The following KANK1 variants were observed in gnomAD, a reference collection of about 807,000 sequenced individuals.
KANK1 encodes KN motif and ankyrin repeat domains 1.
Under a neutral mutation model 106.2 loss-of-function variants are expected in KANK1, and 109 were observed. That is an observed-to-expected ratio of 1.03 (90% CI 0.88 to 1.20). The LOEUF (loss-of-function observed/expected upper bound fraction) is 1.20. Among genes scored for constraint, KANK1 ranks in the 50% most tolerant of loss-of-function variants. KANK1 has a pLI of 0.00. For missense variants in KANK1, 2,399 were observed against 1,710.7 expected, an observed-to-expected ratio of 1.40 and a Z score of -7.10; for synonymous variants, 873 against 652.2, an observed-to-expected ratio of 1.34 and a Z score of -5.16.
intron 1 of KANK1, among the ~76,000 whole-genome samples, chr9:506,446 A>C (rs1273631003): frequency 6.6e-6 from 1 of 152,184 alleles, no homozygotes; most frequent in Non-Finnish European, 1.5e-5. Flanking sequence ...CTTAGGGCAC[A>C]GGGATGCTTT....
intron 1 of KANK1, among the ~76,000 whole-genome samples, chr9:529,495 G>A (rs956144878): frequency 1.2e-4 from 7 of 57,526 alleles, no homozygotes; most frequent in Admixed American, 1.2e-3. Context: ...CACCGCGCCC[G>A]GCCTCATACA....
chr9:688,625 A>G (rs538059694), intron 2 of KANK1, among the ~76,000 whole-genome samples: 49 of 151,714 alleles, frequency 3.2e-4, no homozygotes, highest in African/African-American at 1.2e-3. Flanking sequence ...AGTGAGAAAG[A>G]AAGATGGTAT....
chr9:562,986 A>C (rs1027930800), intron 1 of KANK1, among the ~76,000 whole-genome samples: 8 of 152,184 alleles, frequency 5.3e-5, no homozygotes, highest in Non-Finnish European at 8.8e-5. Flanking sequence ...ATTCATTCTT[A>C]CAAGCAGGGA....
At chr9:671,623 A>AAAAAAAAAAAAAAAAAAAAAAAAAAAG (rs79437342) in intron 1 of KANK1, among the ~76,000 whole-genome samples, 1 of 103,626 alleles carries the variant, frequency 9.7e-6, no homozygotes, top group African/African-American at 4.4e-5. Flanking sequence ...CTCAAAAAAA[A>AAAAAAAAAAAAAAAAAAAAAAAAAAAG]AAAAGAGTGT....
At chr9:505,857 T>A (rs1157392184) in intron 1 of KANK1, among the ~76,000 whole-genome samples, 1 of 152,216 alleles carries the variant, frequency 6.6e-6, no homozygotes, top group Non-Finnish European at 1.5e-5. Context: ...CCTCTGGAGC[T>A]GAATGGAAAT....
chr9:641,609 T>C (rs16921577), intron 1 of KANK1, among the ~76,000 whole-genome samples: 1,924 of 152,330 alleles, frequency 0.013, 39 homozygotes, highest in African/African-American at 0.043. Flanking sequence ...AAATCCTAAC[T>C]GCAAGGAAGC....
chr9:734,857 C>G (rs1316349830), intron 7 of KANK1, 22 bp downstream of exon 7: 13 of 1,557,118 alleles, frequency 8.3e-6, no homozygotes, highest in Non-Finnish European at 1.2e-5. Flanking sequence ...CTGCAAACAC[C>G]ATCCCCAGTG....
chr9:605,942 C>A (rs1829002614), intron 1 of KANK1, among the ~76,000 whole-genome samples: 1 of 151,576 alleles, frequency 6.6e-6, no homozygotes, highest in Non-Finnish European at 1.5e-5. Flanking sequence ...TGTCAGGGGG[C>A]CCTGTGTTCT....
chr9:652,200 T>C (rs1841035068), intron 1 of KANK1, among the ~76,000 whole-genome samples: 1 of 152,164 alleles, frequency 6.6e-6, no homozygotes, highest in Admixed American at 6.5e-5. Flanking sequence ...TACAGAAAGC[T>C]ATATGTAGAA....
intron 1 of KANK1, among the ~76,000 whole-genome samples, chr9:670,040 G>A (rs1845530572): frequency 2.0e-5 from 3 of 152,118 alleles, no homozygotes; most frequent in South Asian, 4.2e-4. Flanking sequence ...TTTTCAGTTA[G>A]CAAATATATT....
At chr9:724,525 C>A (rs554853244) in intron 3 of KANK1, among the ~76,000 whole-genome samples, 1 of 151,948 alleles carries the variant, frequency 6.6e-6, no homozygotes, top group African/African-American at 2.4e-5. Context: ...CGGCCAGGCA[C>A]GGTGGCTCAC....
At chr9:686,434 G>A (rs373281404) in intron 2 of KANK1, among the ~76,000 whole-genome samples, 1 of 152,148 alleles carries the variant, frequency 6.6e-6, no homozygotes, top group South Asian at 2.1e-4. Context: ...TACCCCAACC[G>A]GTGCCCCACC....
chr9:519,656 T>G (rs2059457088), intron 1 of KANK1, among the ~76,000 whole-genome samples: 1 of 151,790 alleles, frequency 6.6e-6, no homozygotes, highest in Non-Finnish European at 1.5e-5. Context: ...TTCCTTATTT[T>G]GCCAGGAGAC....
intron 1 of KANK1, among the ~76,000 whole-genome samples, chr9:593,053 C>G (rs887792790): frequency 1.3e-5 from 2 of 151,820 alleles, no homozygotes; most frequent in Non-Finnish European, 2.9e-5. Flanking sequence ...TGTTCAATAT[C>G]TAATGCTAGT....
chr9:709,113 G>T lies in KANK1; in HGVS notation c.38-1691G>T, dbSNP rs568907066. 5.4e-4 allele frequency among the ~76,000 whole-genome samples: 82 copies of T among 152,298 alleles called. 1 individual carries two copies. Among genetic ancestry groups the T allele is most frequent in the African/African-American group, 1.9e-3 (78 of 41,570 alleles). ...TTGAACTCATGACAATACAAAACAA[G>T]GTGTTCCTGGGATAGGGAATGTTTT... is the stretch of plus-strand genomic sequence containing the variant. On this transcript the variant is annotated intron_variant, in intron 2 of 11. Transcript: ENST00000382297.
rs552176352 is a variant in KANK1 at position 648,407 on chromosome 9, T to A, written c.-83-28483T>A. ...ATTTAAAAACTATGCCGTATATGTA[T>A]AAGATTTGCCACCTCTGGGTCATTA... On this transcript the variant is annotated intron_variant, in intron 1 of 11. Coordinates refer to ENST00000382297, the MANE Select transcript of KANK1 (RefSeq NM_015158.5). Among the ~76,000 whole-genome samples, 43 of 152,320 alleles carry A rather than the reference T, an allele frequency of 2.8e-4. No homozygotes were observed. In the South Asian group the frequency reaches 3.7e-3, roughly 13 times the overall value.
chr9:632,604 G>A (rs1442225286), intron 1 of KANK1, among the ~76,000 whole-genome samples: 2 of 152,110 alleles, frequency 1.3e-5, no homozygotes, highest in African/African-American at 4.8e-5. Flanking sequence ...TTTTCATTCC[G>A]TGGAGTCACA....
chr9:556,629 C>G (rs1565793), intron 1 of KANK1, among the ~76,000 whole-genome samples: 11,644 of 152,194 alleles, frequency 0.077, 1,222 homozygotes, highest in East Asian at 0.22. Flanking sequence ...GTCCTTGTTC[C>G]ATTAAGATAA....
chr9:491,662 C>T (rs570747450), intron 3 of KANK1, among the ~76,000 whole-genome samples: 11 of 152,048 alleles, frequency 7.2e-5, no homozygotes, highest in African/African-American at 2.4e-4. Context: ...TGATTTGGGG[C>T]GAGAAAAGGG....
Sources: allele counts gnomAD v4.1 joint callset (sites outside exome capture counted in the v4.1 genomes callset), GRCh38; gene constraint gnomAD v4.1.1; transcripts MANE v1.5; gene names NCBI Gene and HGNC (gene_info 2026-07-23, HGNC 2026-07-21).